FSTL4: variants seen among roughly 807,000 people sequenced by gnomAD.
FSTL4 encodes the protein follistatin-related protein 4.
In FSTL4, 28 loss-of-function variants were observed where a neutral mutation model predicts 78.2. That is an observed-to-expected ratio of 0.36 (90% CI 0.27 to 0.49). The LOEUF (loss-of-function observed/expected upper bound fraction) is 0.49. Among genes scored for constraint, FSTL4 ranks in the 20% least tolerant of loss-of-function variants. FSTL4 has a pLI of 0.98. For synonymous variants in FSTL4, 422 were observed against 440.5 expected (o/e 0.96, Z 0.53); for missense variants, 922 against 1,084.9 (o/e 0.85, Z 2.11).
intron 6 of FSTL4, among the ~76,000 whole-genome samples, chr5:133,290,000 G>T (rs1299939666): frequency 3.3e-5 from 5 of 152,142 alleles, no homozygotes; most frequent in Non-Finnish European, 5.9e-5. Flanking sequence ...CGGGAGTGAG[G>T]CCTGCGTGCA....
intron 4 of FSTL4, among the ~76,000 whole-genome samples, chr5:133,329,065 C>T (rs906903266): frequency 2.6e-4 from 39 of 152,274 alleles, no homozygotes; most frequent in African/African-American, 8.2e-4. Context: ...TCGCTTCCTC[C>T]GCGAGTGATC....
At chr5:133,527,863 C>T (rs1420497765) in intron 3 of FSTL4, among the ~76,000 whole-genome samples, 1 of 152,154 alleles carries the variant, frequency 6.6e-6, no homozygotes, top group East Asian at 1.9e-4. Context: ...CAGGGGTCAG[C>T]CACCCCACAT....
chr5:133,532,360 C>T (rs1419069168), intron 3 of FSTL4, among the ~76,000 whole-genome samples: 1 of 152,260 alleles, frequency 6.6e-6, no homozygotes, highest in Non-Finnish European at 1.5e-5. Context: ...ATTATCCCCT[C>T]CATGCTGTGT....
chr5:133,264,895 TTAGGAGGCACAGGCAGAGGCTGCC>T (rs1448314423), intron 6 of FSTL4, among the ~76,000 whole-genome samples: 1 of 152,178 alleles, frequency 6.6e-6, no homozygotes, highest in Non-Finnish European at 1.5e-5. Context: ...GGGGCTTGCC[TTAGGAGGCACAGGCAGAGGCTGCC>T]AGCTGGCTGA....
chr5:133,618,028 C>T, the FSTL4 span, among the ~76,000 whole-genome samples: 2 of 152,128 alleles, frequency 1.3e-5, no homozygotes, highest in Admixed American at 6.5e-5. Context: ...CTTCGTTATC[C>T]ACGGGGATAT....
At chr5:133,667,149 A>C in the FSTL4 span, among the ~76,000 whole-genome samples, 1 of 152,172 alleles carries the variant, frequency 6.6e-6, no homozygotes, top group African/African-American at 2.4e-5. Context: ...CCTTGCTTCT[A>C]GGTTCTCAGG....
the FSTL4 span, among the ~76,000 whole-genome samples, chr5:133,645,560 G>A: frequency 6.6e-6 from 1 of 152,148 alleles, no homozygotes; most frequent in Non-Finnish European, 1.5e-5. Flanking sequence ...AGGCTGACTG[G>A]TAACCTCCCA....
intron 4 of FSTL4, among the ~76,000 whole-genome samples, chr5:133,375,242 T>C (rs941004320): frequency 2.6e-5 from 3 of 117,020 alleles, no homozygotes; most frequent in African/African-American, 8.6e-5. Flanking sequence ...AGAGATCCAT[T>C]TATAAAGAGC....
chr5:133,328,033 A>C (rs1228161843), intron 4 of FSTL4, among the ~76,000 whole-genome samples: 1 of 152,160 alleles, frequency 6.6e-6, no homozygotes, highest in African/African-American at 2.4e-5. Context: ...GCTAATTTTG[A>C]ATTTTCTAGG....
intron 4 of FSTL4, among the ~76,000 whole-genome samples, chr5:133,394,347 T>G (rs558089582): frequency 6.6e-6 from 1 of 151,908 alleles, no homozygotes; most frequent in African/African-American, 2.4e-5. Flanking sequence ...TGCGGGGAGG[T>G]GTGGAGGGAG....
chr5:133,416,906 C>T (rs1043929881), intron 3 of FSTL4, among the ~76,000 whole-genome samples: 1 of 152,174 alleles, frequency 6.6e-6, no homozygotes, highest in African/African-American at 2.4e-5. Flanking sequence ...CATATTAAGA[C>T]AGCTGGCAAC....
intron 7 of FSTL4, among the ~76,000 whole-genome samples, chr5:133,239,858 G>A (rs1157532080): frequency 6.6e-6 from 1 of 152,160 alleles, no homozygotes; most frequent in African/African-American, 2.4e-5. Flanking sequence ...GCACCAATCA[G>A]CACCCTGTCA....
chr5:133,295,330 G>T (rs1320942950), intron 6 of FSTL4, among the ~76,000 whole-genome samples: 2 of 152,058 alleles, frequency 1.3e-5, no homozygotes, highest in Non-Finnish European at 2.9e-5. Context: ...CCTGGGCCCT[G>T]GATTCCACCT....
the FSTL4 span, among the ~76,000 whole-genome samples, chr5:133,839,376 T>C: frequency 1.6e-4 from 25 of 152,262 alleles, no homozygotes. Context: ...AGATAAGAAT[T>C]CTGTTACAAT....
chr5:133,691,036 C>T, the FSTL4 span, among the ~76,000 whole-genome samples: 1 of 152,184 alleles, frequency 6.6e-6, no homozygotes, highest in African/African-American at 2.4e-5. Context: ...CATAATCCTG[C>T]CATGCTTTGG....
At chr5:133,579,830 C>T (rs1485114211) in intron 2 of FSTL4, among the ~76,000 whole-genome samples, 1 of 152,114 alleles carries the variant, frequency 6.6e-6, no homozygotes, top group Non-Finnish European at 1.5e-5. Context: ...CTTTGTTTTG[C>T]ACAGAATTAG....
the FSTL4 span, among the ~76,000 whole-genome samples, chr5:133,782,794 G>A: frequency 6.6e-6 from 1 of 152,210 alleles, no homozygotes; most frequent in African/African-American, 2.4e-5. Flanking sequence ...GTCCCTGCCT[G>A]TTTCCCTCAG....
the FSTL4 span, among the ~76,000 whole-genome samples, chr5:133,642,270 G>C: frequency 6.6e-6 from 1 of 152,190 alleles, no homozygotes; most frequent in Non-Finnish European, 1.5e-5. Flanking sequence ...GGCAGGGGCA[G>C]TTTCAGCAAA....
chr5:133,817,612 A>T, the FSTL4 span, among the ~76,000 whole-genome samples: 1 of 152,180 alleles, frequency 6.6e-6, no homozygotes, highest in African/African-American at 2.4e-5. Context: ...CCTCGGAGAC[A>T]CCCCTAGAAG....
Sources: gnomAD v4.1 joint callset for allele counts (sites outside exome capture counted in the v4.1 genomes callset) on GRCh38, gnomAD v4.1.1 for gene constraint, MANE v1.5 for transcripts, NCBI Gene and HGNC (gene_info 2026-07-23, HGNC 2026-07-21) for gene names.